Variants in TCL1A observed in about 807,000 individuals in gnomAD.
The protein encoded by TCL1A is T-cell leukemia/lymphoma protein 1A.
Under a neutral mutation model 16.9 loss-of-function variants are expected in TCL1A, and 9 were observed. The observed-to-expected ratio is 0.53, with a 90% CI of 0.32 to 0.93. The LOEUF is 0.93. TCL1A is among the 40% of genes least tolerant of loss of function. The pLI is 0.04. For missense variants in TCL1A, 139 were observed against 153.0 expected (o/e 0.91, Z 0.48); for synonymous variants, 69 against 63.2 (o/e 1.09, Z -0.44).
rs185584936 is a variant in TCL1A at position 95,710,410 on chromosome 14, C to T, written c.*478G>A. 4 of 153,744 alleles carry T rather than the reference C, an allele frequency of 2.6e-5. No individual in the cohort carries two copies. In the East Asian group the frequency reaches 8.2e-4, roughly 32 times the overall value. 9.5% of individuals were successfully genotyped at this position (153,744 alleles called of 1,614,324 possible). A position where few individuals can be genotyped will look rare whatever the true frequency, so the allele number is the denominator to read the frequency against. Reference sequence around the variant, plus strand: ...TGCAGGCGTGTTTACCGGCAGGCAGCGTTTGCAGGCGTGTTTACATGCAGG... The same window carrying T: ...TGCAGGCGTGTTTACCGGCAGGCAGTGTTTGCAGGCGTGTTTACATGCAGG... On this transcript the variant is annotated 3_prime_UTR_variant, in exon 4 of 4. Coordinates refer to ENST00000402399, the MANE Select transcript of TCL1A (RefSeq NM_021966.3).
chr14:95,713,761 C>A (rs375313256), intron 1 of TCL1A, among the ~76,000 whole-genome samples, 186 bp downstream of exon 1: 1 of 152,288 alleles, frequency 6.6e-6, no homozygotes, highest in East Asian at 1.9e-4. Flanking sequence ...TGCGGTTTTC[C>A]CACCCTTCTT....
At position 95,714,079 on chromosome 14, in the gene TCL1A, C is replaced by T. The variant is rs755930947; in HGVS notation, c.-13G>A. The stretch of plus-strand genomic sequence containing the variant: ...GGCACTCGGCCATGGCGTCCTCGGG[C>T]CGCCTAAGAAGCAAGAGCCAGAGCC... On this transcript the variant is annotated 5_prime_UTR_variant, in exon 1 of 4. Coordinates refer to ENST00000402399, the MANE Select transcript of TCL1A (RefSeq NM_021966.3). 5 of 1,612,988 alleles carry T rather than the reference C, an allele frequency of 3.1e-6. No individual in the cohort carries two copies. Among genetic ancestry groups the T allele is most frequent in the Non-Finnish European group, 4.2e-6 (5 of 1,179,896 alleles).
chr14:95,713,315 T>C (rs1886428090), intron 1 of TCL1A, among the ~76,000 whole-genome samples: 1 of 152,212 alleles, frequency 6.6e-6, no homozygotes, highest in Admixed American at 6.5e-5. Context: ...TTTTTGACTC[T>C]TTTTCATTGA....
Position 95,712,230 on chromosome 14 carries a change from T to C in TCL1A, c.287A>G (p.Tyr96Cys). ...SSDSSFWRLV[Y>C]HIKIDGVEDM... ...GAGAAAGACACTCACCTTGATGTGG[T>C]ACACTAAGCGCCAGAAACTGGAGTC... Residue 96 changes from tyrosine to cysteine, a missense_variant, in exon 2 of 4, where the codon TAC becomes TGC. Transcript: ENST00000402399. 6.2e-7 allele frequency: 1 copy of C among 1,614,084 alleles called. No individual in the cohort carries two copies. The highest frequency in any genetic ancestry group is 8.5e-7 in the Non-Finnish European group (1 of 1,180,006).
chr14:95,710,130 G>A lies in TCL1A; in HGVS notation c.*758C>T, dbSNP rs562874493. On this transcript the variant is annotated 3_prime_UTR_variant, in exon 4 of 4. Transcript: ENST00000402399. ...CCACATACAACTTTGTAACACCCAGGTGCGTGACCATCTATAAAAGGGGGG... is the reference window on the plus strand; with the variant it reads ...CCACATACAACTTTGTAACACCCAGATGCGTGACCATCTATAAAAGGGGGG... 6.6e-6 allele frequency: 1 copy of A among 152,284 alleles called. No individual in the cohort carries two copies. The highest frequency in any genetic ancestry group is 2.4e-5 in the African/African-American group (1 of 41,546). The allele number at this position is 152,284 out of a possible 1,614,324, so 9.4% of individuals were successfully genotyped here.
intron 3 of TCL1A, 54 bp downstream of exon 3, chr14:95,711,695 C>T: frequency 6.3e-7 from 1 of 1,596,336 alleles, no homozygotes; most frequent in Non-Finnish European, 8.5e-7. Flanking sequence ...GGTGGTCTTT[C>T]TTTCTGATAC....
chr14:95,713,422 C>A lies in TCL1A; in HGVS notation c.120+525G>T, dbSNP rs142093293. On this transcript the variant is annotated intron_variant, in intron 1 of 3. Coordinates refer to ENST00000402399, the MANE Select transcript of TCL1A (RefSeq NM_021966.3). ...TTAAGGCATCACACATTAAAAAAGT[C>A]AATATTGATTCAATACCGGCGCTTA... Among the ~76,000 whole-genome samples, 64 of 152,266 alleles carry A rather than the reference C, an allele frequency of 4.2e-4. 1 individual carries two copies. In the East Asian group the frequency reaches 9.8e-3, roughly 23 times the overall value.
At chr14:95,711,109 T>C (rs914400127) in intron 3 of TCL1A, among the ~76,000 whole-genome samples, 8 of 152,130 alleles carry the variant, frequency 5.3e-5, no homozygotes, top group African/African-American at 1.9e-4. Flanking sequence ...CAAAACTCAA[T>C]AGCGTATCTA....
chr14:95,711,182 G>A (rs1004622618), intron 3 of TCL1A, among the ~76,000 whole-genome samples: 3 of 151,946 alleles, frequency 2.0e-5, no homozygotes, highest in South Asian at 2.1e-4. Context: ...TGGTAAGGCC[G>A]GACGTGGTGG....
Position 95,712,363 on chromosome 14 carries a change from G to A in TCL1A, c.154C>T (p.Arg52Cys), listed in dbSNP as rs543440244. The change falls in exon 2 of 4, where the codon CGT becomes TGT. Residue 52 changes from arginine to cysteine, a missense_variant. By Grantham distance (180) the Arg-to-Cys change is radical (BLOSUM62 -3). This residue lies in a region of TCL1A where 94 missense variants were observed against 80.2 expected (regional missense o/e 1.17). Transcript: ENST00000402399. ...CTCCCCAGGACGACGTCTTCCCGACGCAAGAGCACCCGTAACTGTAACCTA... is the reference window on the plus strand; with the variant it reads ...CTCCCCAGGACGACGTCTTCCCGACACAAGAGCACCCGTAACTGTAACCTA... ...KDRLQLRVLLRREDVVLGRPM... is the reference protein window; with the variant it reads ...KDRLQLRVLLCREDVVLGRPM... The A allele has an allele frequency of 7.4e-6, 12 of 1,613,366 alleles. No individual in the cohort carries two copies. The highest frequency in any genetic ancestry group is 6.7e-5 in the African/African-American group (5 of 75,032).
intron 1 of TCL1A, chr14:95,712,608 C>A: frequency 6.7e-7 from 1 of 1,488,160 alleles, no homozygotes; most frequent in Non-Finnish European, 8.9e-7. Context: ...ACCACCAGCA[C>A]ACACACGTGT....
intron 1 of TCL1A, among the ~76,000 whole-genome samples, chr14:95,713,468 A>T (rs1886437080): frequency 1.3e-5 from 2 of 152,308 alleles, no homozygotes; most frequent in African/African-American, 2.4e-5. Context: ...TCACTTGTTA[A>T]ATTTGTTTTC....
chr14:95,713,627 T>C (rs1886450794), intron 1 of TCL1A, among the ~76,000 whole-genome samples: 1 of 152,200 alleles, frequency 6.6e-6, no homozygotes, highest in African/African-American at 2.4e-5. Context: ...GCCATATGGA[T>C]GAGTCACTTA....
chr14:95,711,823 GA>G, intron 2 of TCL1A, 21 bp from the exon 3 acceptor site: 1 of 1,605,308 alleles, frequency 6.2e-7, no homozygotes. Flanking sequence ...GAGAGAGAGA[GA>G]AGGCATTGAT....
At chr14:95,712,772 T>G (rs1399478863) in intron 1 of TCL1A, 2 of 904,410 alleles carry the variant, frequency 2.2e-6, no homozygotes, top group Non-Finnish European at 3.1e-6. Context: ...CGAGACCCTG[T>G]ATCTACAGGA....
intron 1 of TCL1A, among the ~76,000 whole-genome samples, chr14:95,713,659 T>C (rs1886454531): frequency 6.6e-6 from 1 of 152,342 alleles, no homozygotes; most frequent in African/African-American, 2.4e-5. Flanking sequence ...TTTTAAGGAT[T>C]AGGACCCCGA....
Position 95,710,538 on chromosome 14 carries a change from GAAATACT to G in TCL1A, c.*343_*349del, listed in dbSNP as rs1886320538. 1 of 152,626 alleles carries G rather than the reference GAAATACT, an allele frequency of 6.6e-6. No homozygotes were observed. Among genetic ancestry groups the G allele is most frequent in the Non-Finnish European group, 1.5e-5 (1 of 68,338 alleles). The allele number at this position is 152,626 out of a possible 1,614,324, so 9.5% of individuals were successfully genotyped here. On this transcript the variant is annotated 3_prime_UTR_variant, in exon 4 of 4. Transcript: ENST00000402399. Reference sequence around the variant, plus strand: ...ACGGAGCTGAGTGGGTGTGCAACATGAAATACTAGTGCTGTGAGGGACAGAAGGGACA... The same window carrying G: ...ACGGAGCTGAGTGGGTGTGCAACATGAGTGCTGTGAGGGACAGAAGGGACA...
chr14:95,713,478 C>A (rs528577516), intron 1 of TCL1A, among the ~76,000 whole-genome samples: 1 of 152,158 alleles, frequency 6.6e-6, no homozygotes, highest in African/African-American at 2.4e-5. Flanking sequence ...AATTTGTTTT[C>A]TAAATAAAGC....
chr14:95,712,215 C>T lies in TCL1A; in HGVS notation c.297+5G>A. ...CCGATGGACCTCTGGGAGAAAGACA[C>T]TCACCTTGATGTGGTACACTAAGCG... On this transcript the variant is annotated splice_donor_5th_base_variant and intron_variant, in intron 2 of 3. Transcript: ENST00000402399. The T allele has an allele frequency of 6.2e-7, 1 of 1,614,176 alleles. No individual in the cohort carries two copies. The highest frequency in any genetic ancestry group is 8.5e-7 in the Non-Finnish European group (1 of 1,180,034).
Sources: gnomAD v4.1 joint callset for allele counts (sites outside exome capture counted in the v4.1 genomes callset) on GRCh38, gnomAD v4.1.1 for gene constraint, gnomAD v4.1.1 regional missense constraint, MANE v1.5 for transcripts, NCBI Gene and HGNC (gene_info 2026-07-23, HGNC 2026-07-21) for gene names.